The following AKR1B15 variants were observed in gnomAD, a reference collection of about 807,000 sequenced individuals.
The protein encoded by AKR1B15 is estradiol 17-beta-dehydrogenase AKR1B15.
A neutral mutation model predicts 38.5 loss-of-function variants in AKR1B15; 49 were observed. The ratio of observed to expected loss-of-function variants is 1.27; its 90% CI spans 1.01 to 1.62. The LOEUF is 1.62. Among genes scored for constraint, AKR1B15 ranks in the 40% most tolerant of loss-of-function variants. The pLI, the probability that AKR1B15 is intolerant of heterozygous loss-of-function variation, is 0.00. For synonymous variants in AKR1B15, 137 were observed against 135.5 expected (o/e 1.01, Z -0.08); for missense variants, 411 against 381.6 (o/e 1.08, Z -0.64).
chr7:134,550,609 T>C (rs1793934096), intron 1 of AKR1B15, among the ~76,000 whole-genome samples: 1 of 152,200 alleles, frequency 6.6e-6, no homozygotes, highest in African/African-American at 2.4e-5. Flanking sequence ...CTAGCTATAA[T>C]ACTTCTGTTC....
At chr7:134,579,202 C>T (rs778341772) in intron 11 of AKR1B15, among the ~76,000 whole-genome samples, 1 of 152,132 alleles carries the variant, frequency 6.6e-6, no homozygotes, top group African/African-American at 2.4e-5. Context: ...TGTTTCCTAC[C>T]TCATGATGTT....
intron 6 of AKR1B15, 141 bp downstream of exon 6, chr7:134,571,822 C>T: frequency 1.4e-6 from 1 of 724,534 alleles, no homozygotes; most frequent in Non-Finnish European, 2.4e-6. Flanking sequence ...ATATCCTCCT[C>T]ATCACCTTTG....
intron 3 of AKR1B15, among the ~76,000 whole-genome samples, chr7:134,567,354 C>G (rs1263611579): frequency 6.6e-6 from 1 of 151,996 alleles, no homozygotes; most frequent in Non-Finnish European, 1.5e-5. Context: ...CTCTCTCGTT[C>G]TCCCTACCTC....
intron 1 of AKR1B15, among the ~76,000 whole-genome samples, chr7:134,551,645 A>C (rs1242256457): frequency 4.6e-5 from 7 of 152,192 alleles, no homozygotes; most frequent in Non-Finnish European, 4.4e-5. Context: ...CAGACAAAGC[A>C]TCAAAAAGAC....
chr7:134,571,551 G>A, intron 5 of AKR1B15, 53 bp from the exon 6 acceptor site: 1 of 1,424,060 alleles, frequency 7.0e-7, no homozygotes, highest in Non-Finnish European at 9.9e-7. Flanking sequence ...TTGTTGAACA[G>A]AACCAAGTGT....
chr7:134,576,320 T>G (rs1213639342), intron 8 of AKR1B15, 29 bp from the exon 9 acceptor site: 2 of 1,602,474 alleles, frequency 1.2e-6, no homozygotes, highest in African/African-American at 1.3e-5. Context: ...CCATGGTGAT[T>G]ATTCACATCA....
At chr7:134,549,763 A>G (rs1267261866) in intron 1 of AKR1B15, among the ~76,000 whole-genome samples, 1 of 152,148 alleles carries the variant, frequency 6.6e-6, no homozygotes, top group Non-Finnish European at 1.5e-5. Context: ...AAAAATTGCC[A>G]TGCTTGTTTA....
chr7:134,565,677 G>A (rs1382357174), intron 3 of AKR1B15: 7 of 1,482,630 alleles, frequency 4.7e-6, no homozygotes, highest in Non-Finnish European at 6.3e-6. Context: ...TCCTGGAGCT[G>A]GGACTCGGGT....
chr7:134,551,388 C>T (rs1041649543), intron 1 of AKR1B15, among the ~76,000 whole-genome samples: 1 of 152,164 alleles, frequency 6.6e-6, no homozygotes, highest in Non-Finnish European at 1.5e-5. Flanking sequence ...ATAATCCCCC[C>T]TTTTCTGAAA....
chr7:134,575,654 G>C (rs1794753095), intron 7 of AKR1B15, 112 bp downstream of exon 7: 34 of 1,577,744 alleles, frequency 2.2e-5, no homozygotes, highest in Non-Finnish European at 2.9e-5. Context: ...CAGTGATCAG[G>C]ACACTTTGGG....
chr7:134,570,487 C>A (rs1278345458), intron 5 of AKR1B15: 1 of 152,174 alleles, frequency 6.6e-6, no homozygotes, highest in East Asian at 1.9e-4. Context: ...TTGAGGGCAT[C>A]ATGGAACCTG....
At chr7:134,569,738 T>C in intron 5 of AKR1B15, 1 of 519,474 alleles carries the variant, frequency 1.9e-6, no homozygotes, top group Non-Finnish European at 3.4e-6. Context: ...GAAGATTTCA[T>C]GAACATTTAT....
At chr7:134,563,355 G>T (rs1217011759) in intron 2 of AKR1B15, among the ~76,000 whole-genome samples, 1 of 152,152 alleles carries the variant, frequency 6.6e-6, no homozygotes, top group Non-Finnish European at 1.5e-5. Flanking sequence ...ATCACCTGAG[G>T]TCAGGAGTTT....
intron 1 of AKR1B15, among the ~76,000 whole-genome samples, chr7:134,555,732 G>T (rs1346301653): frequency 6.6e-6 from 1 of 152,122 alleles, no homozygotes; most frequent in Admixed American, 6.5e-5. Flanking sequence ...TGAGAGCAGG[G>T]AACGCTGACC....
intron 2 of AKR1B15, among the ~76,000 whole-genome samples, chr7:134,558,098 G>A (rs1191700635): frequency 6.6e-6 from 1 of 152,092 alleles, no homozygotes; most frequent in Non-Finnish European, 1.5e-5. Context: ...TTACATCAAG[G>A]GACCCATTGG....
intron 5 of AKR1B15, chr7:134,569,891 C>T: frequency 8.8e-6 from 2 of 227,384 alleles, no homozygotes; most frequent in Non-Finnish European, 1.8e-5. Flanking sequence ...GTTTGTAGAG[C>T]ATGTGTGTTT....
intron 2 of AKR1B15, among the ~76,000 whole-genome samples, chr7:134,560,429 G>C (rs1022252653): frequency 2.6e-5 from 4 of 152,204 alleles, no homozygotes; most frequent in African/African-American, 9.6e-5. Flanking sequence ...CGGCTTATCA[G>C]CTGATTCCTG....
At chr7:134,561,165 G>C (rs1421258122) in intron 2 of AKR1B15, among the ~76,000 whole-genome samples, 1 of 152,174 alleles carries the variant, frequency 6.6e-6, no homozygotes, top group Non-Finnish European at 1.5e-5. Flanking sequence ...GGTGCCCCAT[G>C]TGCAGATCCA....
rs1385141460 is a variant in AKR1B15 at position 134,561,028 on chromosome 7, G to C, written c.-22-3570G>C. On this transcript the variant is annotated intron_variant, in intron 2 of 11. Coordinates refer to ENST00000457545, the MANE Select transcript of AKR1B15 (RefSeq NM_001080538.3). ...TGGCATGCATACTCCCATTGCAGTG[G>C]TCTATTCCCAGAGAAATATTTTTCT... Among the ~76,000 whole-genome samples the C allele has an allele frequency of 2.6e-5, 4 of 152,200 alleles. No homozygotes were observed. The South Asian group carries it at 6.2e-4, about 24-fold the overall frequency.
Sources: gnomAD v4.1 joint callset for allele counts (sites outside exome capture counted in the v4.1 genomes callset) on GRCh38, gnomAD v4.1.1 for gene constraint, MANE v1.5 for transcripts, NCBI Gene and HGNC (gene_info 2026-07-23, HGNC 2026-07-21) for gene names.